The following TMEM179 variants were observed in gnomAD, a reference collection of about 807,000 sequenced individuals.
TMEM179 encodes the protein transmembrane protein 179, also known as transmembrane protein 179A.
A neutral mutation model predicts 22.2 loss-of-function variants in TMEM179; 17 were observed. The observed-to-expected ratio is 0.77, with a 90% confidence interval of 0.52 to 1.15. The LOEUF (loss-of-function observed/expected upper bound fraction) is 1.15, where lower values mean the gene tolerates loss of function less well. TMEM179 is among the 50% of genes most tolerant of loss of function. The pLI, the probability that TMEM179 is intolerant of heterozygous loss-of-function variation, is 0.00. For missense variants in TMEM179, 265 were observed against 313.6 expected, an observed-to-expected ratio of 0.84 and a Z score of 1.17; for synonymous variants, 127 against 140.5, an observed-to-expected ratio of 0.90 and a Z score of 0.68.
intron 1 of TMEM179, among the ~76,000 whole-genome samples, chr14:104,598,079 G>A (rs1412302278): frequency 5.9e-5 from 9 of 152,196 alleles, no homozygotes; most frequent in Non-Finnish European, 1.2e-4. Context: ...GCAGGTGGTC[G>A]GGACACCCAC....
rs1039845529 is a variant in TMEM179, at chr14:104,593,350, C to A, written c.*129G>T. The A allele has an allele frequency of 8.5e-7, 1 of 1,172,956 alleles. No homozygotes were observed. Among genetic ancestry groups the A allele is most frequent in the African/African-American group, 1.5e-5 (1 of 65,778 alleles). 72.7% of individuals were successfully genotyped at this position (1,172,956 alleles called of 1,614,324 possible). On this transcript the variant is annotated 3_prime_UTR_variant, in exon 4 of 4. Coordinates refer to ENST00000556573, the MANE Select transcript of TMEM179 (RefSeq NM_001286389.2). ...GCGCTCACCTCACTACACGTGGCGT[C>A]GAGGGGACACACGCAGGGCTGCATG...
chr14:104,600,326 G>A (rs765918732), intron 1 of TMEM179, among the ~76,000 whole-genome samples: 2 of 152,252 alleles, frequency 1.3e-5, no homozygotes, highest in Non-Finnish European at 2.9e-5. Context: ...CGCTCAGGGT[G>A]CCCTGCCAGG....
chr14:104,594,444 T>G (rs1213136358), intron 3 of TMEM179: 73 of 1,231,616 alleles, frequency 5.9e-5, no homozygotes, highest in Non-Finnish European at 6.9e-5. Flanking sequence ...AGGTGTCTGG[T>G]CTCAGCCACC....
rs1466896877 is a variant in TMEM179, at chr14:104,593,494, CTT to C, written c.685_686del (p.Lys229GlufsTer104). 18 of 1,535,930 alleles carry C rather than the reference CTT, an allele frequency of 1.2e-5. No individual in the cohort carries two copies. In the African/African-American group the frequency reaches 2.5e-4, roughly 21 times the overall value. The part of the protein sequence containing the change: ...PSPRTSFQEE[K>X]SAVI ...TGCACTGTGCCTAAATGACAGCGCT[CTT>C]CTCCTCTTGGAAGGAGGTGCGTGGG... On this transcript the variant is annotated frameshift_variant, in exon 4 of 4. Coordinates refer to ENST00000556573, the MANE Select transcript of TMEM179 (RefSeq NM_001286389.2). LOFTEE classifies it high-confidence loss of function.
At position 104,591,376 on chromosome 14, in the gene TMEM179, C is replaced by T. The variant is rs1886838836; in HGVS notation, c.*2103G>A. On this transcript the variant is annotated 3_prime_UTR_variant, in exon 4 of 4. Transcript: ENST00000556573. Reference sequence around the variant, plus strand: ...TGGGCAGAGGGTGAGGCAGGAGCCACCCCACCTTCTGCTGGGGACACAGAC... The same window carrying T: ...TGGGCAGAGGGTGAGGCAGGAGCCATCCCACCTTCTGCTGGGGACACAGAC... 1 of 456,030 alleles carries T rather than the reference C, an allele frequency of 2.2e-6. No individual in the cohort carries two copies. The highest frequency in any genetic ancestry group is 4.4e-6 in the Non-Finnish European group (1 of 226,762). 28.2% of individuals were successfully genotyped at this position (456,030 alleles called of 1,614,324 possible). A position where few individuals can be genotyped will look rare whatever the true frequency, so the allele number is the denominator to read the frequency against.
chr14:104,599,213 C>T (rs1887155182), intron 1 of TMEM179, among the ~76,000 whole-genome samples: 1 of 151,898 alleles, frequency 6.6e-6, no homozygotes, highest in African/African-American at 2.4e-5. Context: ...CTCCCGCCTG[C>T]TCTTCAGAGT....
intron 3 of TMEM179, among the ~76,000 whole-genome samples, chr14:104,593,860 G>A (rs529285649): frequency 1.1e-4 from 17 of 152,342 alleles, no homozygotes; most frequent in South Asian, 4.1e-4. Flanking sequence ...AGCCAGCATC[G>A]TTTTCCAGCA....
rs970842525 is a variant in TMEM179 at position 104,597,421 on chromosome 14, TA to T, written c.306-295del. ...TGGAACCCTGGTCCCCACCATTTCA[TA>T]AAAGAGGCTGCACCCAGGGTGGAAG... is the stretch of plus-strand genomic sequence containing the variant. On this transcript the variant is annotated intron_variant, in intron 1 of 3. Coordinates refer to ENST00000556573, the MANE Select transcript of TMEM179 (RefSeq NM_001286389.2). This position sits in a 1 kb window ranked among gnomAD's most constrained non-coding sequence, Gnocchi z 4.8. 1.1e-4 allele frequency among the ~76,000 whole-genome samples: 17 copies of T among 152,002 alleles called. No homozygotes were observed. The highest frequency in any genetic ancestry group is 3.9e-4 in the African/African-American group (16 of 41,364).
chr14:104,602,214 C>T (rs1205971268), intron 1 of TMEM179, among the ~76,000 whole-genome samples: 8 of 152,340 alleles, frequency 5.3e-5, no homozygotes, highest in Non-Finnish European at 7.3e-5. Context: ...ATACCCTGTG[C>T]GACCTGGACT....
intron 1 of TMEM179, among the ~76,000 whole-genome samples, chr14:104,601,880 C>A (rs1887251365): frequency 6.6e-6 from 1 of 152,146 alleles, no homozygotes; most frequent in East Asian, 1.9e-4. Flanking sequence ...ACAACCCTAA[C>A]CCTCACCCTA....
chr14:104,593,214 G>A lies in TMEM179; in HGVS notation c.*265C>T. 2 of 545,150 alleles carry A rather than the reference G, an allele frequency of 3.7e-6. No individual in the cohort carries two copies. The highest frequency in any genetic ancestry group is 2.3e-5 in the South Asian group (1 of 43,522). The allele number at this position is 545,150 out of a possible 1,614,324, so 33.8% of individuals were successfully genotyped here. On this transcript the variant is annotated 3_prime_UTR_variant, in exon 4 of 4. Transcript: ENST00000556573. ...GGACAGCCAAGGGGCCCTGTGCGAG[G>A]CCTGGAGGTGCCCCCCGCCCCCGCC...
intron 1 of TMEM179, among the ~76,000 whole-genome samples, chr14:104,599,885 G>A (rs1327061455): frequency 6.6e-6 from 1 of 152,048 alleles, no homozygotes; most frequent in Non-Finnish European, 1.5e-5. Flanking sequence ...GAGGCTCTGG[G>A]CCCAGGCGAC....
chr14:104,598,944 C>T (rs957543220), intron 1 of TMEM179, among the ~76,000 whole-genome samples: 2 of 152,194 alleles, frequency 1.3e-5, no homozygotes, highest in Non-Finnish European at 2.9e-5. Flanking sequence ...GGGGGGTGAC[C>T]GAGCCTCTGC....
Position 104,597,632 on chromosome 14 carries a change from C to T in TMEM179, c.306-505G>A, listed in dbSNP as rs1887079916. ...ATGAGTGCCCTCCTAGGAGAGACCCCACCAAGCGAGCTCCCAGCAGATAAC... is the reference window on the plus strand; with the variant it reads ...ATGAGTGCCCTCCTAGGAGAGACCCTACCAAGCGAGCTCCCAGCAGATAAC... On this transcript the variant is annotated intron_variant, in intron 1 of 3. Transcript: ENST00000556573. The surrounding 1 kb of genome is among the most constrained non-coding windows in gnomAD (Gnocchi z 4.8). Among the ~76,000 whole-genome samples, 1 of 152,062 alleles carries T rather than the reference C, an allele frequency of 6.6e-6. No homozygotes were observed. The highest frequency in any genetic ancestry group is 6.5e-5 in the Admixed American group (1 of 15,274).
intron 1 of TMEM179, among the ~76,000 whole-genome samples, chr14:104,599,114 C>T (rs866483585): frequency 2.0e-4 from 31 of 152,296 alleles, no homozygotes; most frequent in Non-Finnish European, 7.4e-5. Context: ...GGTCCCTCTC[C>T]AGCCCAGTGT....
At chr14:104,603,620 A>C (rs186354412) in intron 1 of TMEM179, among the ~76,000 whole-genome samples, 2 of 109,122 alleles carry the variant, frequency 1.8e-5, no homozygotes, top group Non-Finnish European at 1.8e-5. Context: ...CAGAGGTGGT[A>C]GATGGGCTCA....
chr14:104,593,286 C>T lies in TMEM179; in HGVS notation c.*193G>A. Reference sequence around the variant, plus strand: ...ACCATCCTCATCAGGGAGCCGGCACCCACCCAGTCCACTGCCAGGCTCACA... The same window carrying T: ...ACCATCCTCATCAGGGAGCCGGCACTCACCCAGTCCACTGCCAGGCTCACA... On this transcript the variant is annotated 3_prime_UTR_variant, in exon 4 of 4. Transcript: ENST00000556573. 1 of 668,990 alleles carries T rather than the reference C, an allele frequency of 1.5e-6. No homozygotes were observed. Among genetic ancestry groups the T allele is most frequent in the South Asian group, 1.9e-5 (1 of 52,418 alleles). 41.4% of individuals were successfully genotyped at this position (668,990 alleles called of 1,614,324 possible). A position where few individuals can be genotyped will look rare whatever the true frequency, so the allele number is the denominator to read the frequency against.
intron 1 of TMEM179, among the ~76,000 whole-genome samples, chr14:104,603,780 G>A (rs1033382513): frequency 3.9e-5 from 6 of 152,196 alleles, no homozygotes; most frequent in African/African-American, 1.2e-4. Context: ...GGGTGTCACC[G>A]CACCCCAGGT....
chr14:104,603,240 C>T (rs1225349757), intron 1 of TMEM179, among the ~76,000 whole-genome samples: 1 of 152,236 alleles, frequency 6.6e-6, no homozygotes, highest in Non-Finnish European at 1.5e-5. Flanking sequence ...TGGCCCCTCT[C>T]TCAGCCAAAA....
Sources: gnomAD v4.1 joint callset for allele counts (sites outside exome capture counted in the v4.1 genomes callset) on GRCh38, gnomAD v4.1.1 for gene constraint, Gnocchi (gnomAD v3.1) non-coding constraint, MANE v1.5 for transcripts, NCBI Gene and HGNC (gene_info 2026-07-23, HGNC 2026-07-21) for gene names.